The following STAC variants were observed in gnomAD, a reference collection of about 807,000 sequenced individuals.
STAC encodes the protein SH3 and cysteine rich domain, also known as SH3 and cysteine-rich domain-containing protein.
A neutral mutation model predicts 48.8 loss-of-function variants in STAC; 43 were observed. That is an observed-to-expected ratio of 0.88 (90% CI 0.69 to 1.14). STAC has a LOEUF of 1.14. Among genes scored for constraint, STAC ranks in the 50% most tolerant of loss-of-function variants. STAC has a pLI of 0.00. For synonymous variants in STAC, 193 were observed against 179.5 expected (o/e 1.07, Z -0.60); for missense variants, 497 against 504.0 (o/e 0.99, Z 0.13).
chr3:36,529,937 T>C (rs1044329147), intron 10 of STAC, among the ~76,000 whole-genome samples: 1 of 152,218 alleles, frequency 6.6e-6, no homozygotes, highest in East Asian at 1.9e-4. Context: ...CTAGCCAATA[T>C]AATGAAACCC....
chr3:36,489,668 C>T (rs1218319770), intron 5 of STAC, among the ~76,000 whole-genome samples: 1 of 152,198 alleles, frequency 6.6e-6, no homozygotes. Flanking sequence ...GTTTTCATTA[C>T]TTTATACCAG....
intron 8 of STAC, among the ~76,000 whole-genome samples, chr3:36,521,231 A>G (rs1183593915): frequency 6.6e-6 from 1 of 152,054 alleles, no homozygotes; most frequent in African/African-American, 2.4e-5. Context: ...AATATTAAAG[A>G]GGCTCAAAAT....
In STAC at chr3:36,450,481, C is replaced by G. The variant is rs151167227; in HGVS notation, c.388+6841C>G. 5.2e-3 allele frequency among the ~76,000 whole-genome samples: 793 copies of G among 152,228 alleles called. 3 individuals carry two copies. Among genetic ancestry groups the G allele is most frequent in the African/African-American group, 0.018 (759 of 41,534 alleles). Reference sequence around the variant, plus strand: ...TTTTAATGCAAAGACACTTGGTGCACAAAGGTCATAATAAGGATATCTTCA... The same window carrying G: ...TTTTAATGCAAAGACACTTGGTGCAGAAAGGTCATAATAAGGATATCTTCA... On this transcript the variant is annotated intron_variant, in intron 2 of 10. Coordinates refer to ENST00000273183, the MANE Select transcript of STAC (RefSeq NM_003149.3).
intron 6 of STAC, among the ~76,000 whole-genome samples, chr3:36,503,309 G>T (rs948712558): frequency 6.6e-6 from 1 of 152,158 alleles, no homozygotes; most frequent in African/African-American, 2.4e-5. Flanking sequence ...AGTTATGGAT[G>T]TAGGTTAGGC....
At chr3:36,381,080 G>A (rs917782240) in intron 1 of STAC, among the ~76,000 whole-genome samples, 1 of 152,064 alleles carries the variant, frequency 6.6e-6, no homozygotes, top group African/African-American at 2.4e-5. Flanking sequence ...TAGGTATTAG[G>A]TGGCTTCTGA....
chr3:36,422,234 A>G (rs1296507583), intron 1 of STAC, among the ~76,000 whole-genome samples: 2 of 152,162 alleles, frequency 1.3e-5, no homozygotes, highest in East Asian at 3.8e-4. Flanking sequence ...GAGTCATGTT[A>G]TTCTTGATCT....
chr3:36,440,189 C>A (rs932620537), intron 1 of STAC, among the ~76,000 whole-genome samples: 2 of 152,190 alleles, frequency 1.3e-5, no homozygotes, highest in South Asian at 4.1e-4. Context: ...CACAACCACA[C>A]CTGACTTCAG....
chr3:36,512,258 A>G (rs180912524), intron 8 of STAC, among the ~76,000 whole-genome samples: 1 of 152,276 alleles, frequency 6.6e-6, no homozygotes, highest in East Asian at 1.9e-4. Flanking sequence ...TATCAAGTAA[A>G]GCCGTGTTCT....
At chr3:36,385,785 C>T (rs1298218517) in intron 1 of STAC, among the ~76,000 whole-genome samples, 3 of 152,108 alleles carry the variant, frequency 2.0e-5, no homozygotes, top group Non-Finnish European at 4.4e-5. Flanking sequence ...TTTCACTCAA[C>T]ATTATGTTGA....
At chr3:36,432,068 C>T (rs1246159311) in intron 1 of STAC, among the ~76,000 whole-genome samples, 1 of 152,226 alleles carries the variant, frequency 6.6e-6, no homozygotes, top group Non-Finnish European at 1.5e-5. Context: ...GTTACAGCGG[C>T]ATCCACATGC....
At chr3:36,510,842 G>T (rs896196309) in intron 8 of STAC, among the ~76,000 whole-genome samples, 19 of 152,012 alleles carry the variant, frequency 1.2e-4, no homozygotes, top group African/African-American at 4.6e-4. Context: ...AGCATTAGGA[G>T]AAATACCTAA....
At chr3:36,530,261 T>C (rs1699031132) in intron 10 of STAC, among the ~76,000 whole-genome samples, 1 of 152,224 alleles carries the variant, frequency 6.6e-6, no homozygotes, top group Admixed American at 6.5e-5. Context: ...CCCAAGGTAA[T>C]GAATGCCTGA....
intron 8 of STAC, among the ~76,000 whole-genome samples, chr3:36,515,620 C>CCATT (rs1698652425): frequency 6.6e-6 from 1 of 151,968 alleles, no homozygotes; most frequent in South Asian, 2.1e-4. Flanking sequence ...AGTCAGTTAC[C>CCATT]CATTTGTCTG....
chr3:36,518,399 G>A (rs913641994), intron 8 of STAC, among the ~76,000 whole-genome samples: 1 of 151,566 alleles, frequency 6.6e-6, no homozygotes, highest in Non-Finnish European at 1.5e-5. Flanking sequence ...TATGATAATG[G>A]CCATTTTTCA....
intron 8 of STAC, among the ~76,000 whole-genome samples, chr3:36,525,831 T>C (rs1279905494): frequency 2.0e-5 from 3 of 152,242 alleles, no homozygotes. Flanking sequence ...TTGTGCTTAA[T>C]GCTGCAGATG....
intron 2 of STAC, among the ~76,000 whole-genome samples, chr3:36,451,054 C>T (rs1275920445): frequency 3.3e-5 from 5 of 152,108 alleles, no homozygotes; most frequent in African/African-American, 1.2e-4. Context: ...ATTTGCATTT[C>T]TTGCCATGAG....
chr3:36,525,071 T>G (rs570460533), intron 8 of STAC, among the ~76,000 whole-genome samples: 2 of 152,324 alleles, frequency 1.3e-5, no homozygotes, highest in South Asian at 4.1e-4. Context: ...TTATTAAGTT[T>G]TTTTATCTAT....
At chr3:36,437,079 C>A (rs1172105321) in intron 1 of STAC, among the ~76,000 whole-genome samples, 1 of 151,976 alleles carries the variant, frequency 6.6e-6, no homozygotes, top group Non-Finnish European at 1.5e-5. Flanking sequence ...CAATGAGATA[C>A]CATCTCACAC....
intron 10 of STAC, among the ~76,000 whole-genome samples, chr3:36,530,584 T>TC (rs1297046136): frequency 7.0e-6 from 1 of 142,490 alleles, no homozygotes; most frequent in East Asian, 2.1e-4. Flanking sequence ...CCTTTTCTTT[T>TC]TTTTTTTTCT....
Sources: gnomAD v4.1 joint callset for allele counts (sites outside exome capture counted in the v4.1 genomes callset) on GRCh38, gnomAD v4.1.1 for gene constraint, MANE v1.5 for transcripts, NCBI Gene and HGNC (gene_info 2026-07-23, HGNC 2026-07-21) for gene names.